SYT9: variants seen among roughly 807,000 people sequenced by gnomAD.
SYT9 encodes the protein synaptotagmin 9, also known as synaptotagmin-9.
A neutral mutation model predicts 48.4 loss-of-function variants in SYT9; 22 were observed. The ratio of observed to expected loss-of-function variants is 0.45; its 90% CI spans 0.32 to 0.65. The LOEUF (loss-of-function observed/expected upper bound fraction) is 0.65, where lower values mean the gene tolerates loss of function less well. Ranked by LOEUF, SYT9 falls within the 30% of genes least tolerant of loss-of-function variation. The pLI is 0.03. For synonymous variants in SYT9, 265 were observed against 245.0 expected (o/e 1.08, Z -0.76); for missense variants, 577 against 622.0 (o/e 0.93, Z 0.77).
chr11:7,261,103 T>C lies in SYT9; in HGVS notation c.145+8772T>C, dbSNP rs569817176. ...GGGTCTGCCAATTAACAGGCATAAT[T>C]TTAAAAAATAATTGAATTGAATGCC... On this transcript the variant is annotated intron_variant, in intron 1 of 6. Transcript: ENST00000318881. 3.9e-5 allele frequency among the ~76,000 whole-genome samples: 6 copies of C among 152,316 alleles called. No homozygotes were observed. The East Asian group carries it at 1.2e-3, about 29-fold the overall frequency.
At position 7,358,867 on chromosome 11, in the gene SYT9, T is replaced by C. The variant is rs1012615869; in HGVS notation, c.1044+44926T>C. On this transcript the variant is annotated intron_variant, in intron 3 of 6. Coordinates refer to ENST00000318881, the MANE Select transcript of SYT9 (RefSeq NM_175733.4). ...AATTTCTTCAGATTTTTTTTTATTA[T>C]ACTTTGAGTTTTAGGGTACATGTGC... 2.0e-5 allele frequency among the ~76,000 whole-genome samples: 3 copies of C among 152,296 alleles called. No individual in the cohort carries two copies. In the East Asian group the frequency reaches 5.8e-4, roughly 29 times the overall value.
intron 3 of SYT9, among the ~76,000 whole-genome samples, chr11:7,412,515 G>T (rs1847156632): frequency 6.6e-6 from 1 of 152,192 alleles, no homozygotes; most frequent in South Asian, 2.1e-4. Flanking sequence ...GGAGGCTGTG[G>T]TAAAGTTTTC....
chr11:7,453,207 A>C (rs114204363), intron 6 of SYT9, among the ~76,000 whole-genome samples: 2,327 of 152,228 alleles, frequency 0.015, 57 homozygotes, highest in African/African-American at 0.053. Context: ...CCTGGGAGAC[A>C]TACTGAGACC....
intron 3 of SYT9, among the ~76,000 whole-genome samples, chr11:7,360,946 T>C (rs563160713): frequency 3.9e-5 from 6 of 152,128 alleles, no homozygotes; most frequent in African/African-American, 1.4e-4. Flanking sequence ...TTTTTTCTAG[T>C]CAATTTTCCA....
intron 1 of SYT9, among the ~76,000 whole-genome samples, chr11:7,285,344 G>C (rs1848577388): frequency 6.6e-6 from 1 of 152,202 alleles, no homozygotes; most frequent in Non-Finnish European, 1.5e-5. Flanking sequence ...GCAAGAAGAA[G>C]TGCAGAGTAA....
intron 6 of SYT9, among the ~76,000 whole-genome samples, chr11:7,459,612 C>G (rs770665256): frequency 3.0e-4 from 46 of 152,184 alleles, no homozygotes; most frequent in Non-Finnish European, 4.7e-4. Flanking sequence ...ATAGTGTCCT[C>G]CCAAAATTTA....
intron 3 of SYT9, among the ~76,000 whole-genome samples, chr11:7,332,188 G>A (rs1849546774): frequency 1.3e-5 from 2 of 152,180 alleles, no homozygotes; most frequent in African/African-American, 2.4e-5. Flanking sequence ...TCCTGAGCCT[G>A]ATGCCACAAG....
chr11:7,249,449 G>A (rs569775617), upstream of SYT9, among the ~76,000 whole-genome samples: 1 of 152,290 alleles, frequency 6.6e-6, no homozygotes, highest in East Asian at 1.9e-4. Context: ...ACATGGAATT[G>A]GAGGGATAGC....
intron 3 of SYT9, among the ~76,000 whole-genome samples, chr11:7,328,172 CT>C (rs1354430120): frequency 3.6e-4 from 55 of 151,500 alleles, no homozygotes; most frequent in African/African-American, 1.3e-3. Flanking sequence ...TTCCTACATC[CT>C]TATATTTTAA....
chr11:7,311,257 G>A (rs563952979), intron 2 of SYT9, among the ~76,000 whole-genome samples: 3 of 152,290 alleles, frequency 2.0e-5, no homozygotes, highest in South Asian at 2.1e-4. Flanking sequence ...AGCCGAGATC[G>A]CGCCATTGCA....
intron 2 of SYT9, among the ~76,000 whole-genome samples, chr11:7,309,884 A>G (rs1849099505): frequency 6.6e-6 from 1 of 152,020 alleles, no homozygotes; most frequent in African/African-American, 2.4e-5. Flanking sequence ...GTAAACTCTA[A>G]CTCTCTTCTG....
intron 2 of SYT9, among the ~76,000 whole-genome samples, chr11:7,304,852 A>G (rs1021975119): frequency 6.6e-6 from 1 of 152,350 alleles, no homozygotes; most frequent in Admixed American, 6.5e-5. Context: ...CAGTATTTCA[A>G]TAGCTAAAGC....
At chr11:7,348,147 G>C (rs1564871457) in intron 3 of SYT9, among the ~76,000 whole-genome samples, 1 of 152,106 alleles carries the variant, frequency 6.6e-6, no homozygotes, top group Non-Finnish European at 1.5e-5. Flanking sequence ...AACAATTATG[G>C]TTTGGCCACA....
chr11:7,280,172 A>G (rs1848468605), intron 1 of SYT9, among the ~76,000 whole-genome samples: 1 of 152,270 alleles, frequency 6.6e-6, no homozygotes. Context: ...GCGGTGCACA[A>G]TTCATAATAA....
At chr11:7,270,268 C>A (rs1848269818) in intron 1 of SYT9, among the ~76,000 whole-genome samples, 1 of 152,072 alleles carries the variant, frequency 6.6e-6, no homozygotes, top group Admixed American at 6.5e-5. Context: ...TATTTTAATT[C>A]TCTCCCCTCA....
chr11:7,366,771 G>C (rs908773352), intron 3 of SYT9, among the ~76,000 whole-genome samples: 1 of 151,992 alleles, frequency 6.6e-6, no homozygotes, highest in Non-Finnish European at 1.5e-5. Context: ...GGGGCCAAAT[G>C]TTATATATAT....
intron 6 of SYT9, among the ~76,000 whole-genome samples, chr11:7,452,591 T>A (rs561197239): frequency 6.6e-6 from 1 of 152,314 alleles, no homozygotes; most frequent in East Asian, 1.9e-4. Flanking sequence ...AACGTCCCCT[T>A]CCCTTCCAGA....
At chr11:7,359,935 G>A (rs982939567) in intron 3 of SYT9, among the ~76,000 whole-genome samples, 5 of 151,970 alleles carry the variant, frequency 3.3e-5, no homozygotes, top group Non-Finnish European at 5.9e-5. Context: ...CCATGCCTAT[G>A]TCCTGAATGG....
Position 7,252,363 on chromosome 11 carries a change from T to C in SYT9, c.145+32T>C. The stretch of plus-strand genomic sequence containing the variant: ...GCCGCCACCGCCGCCTGGAGGGACC[T>C]AAGGGCCCTGGGCTGGGACTTGGGG... On this transcript the variant is annotated intron_variant, in intron 1 of 6. Coordinates refer to ENST00000318881, the MANE Select transcript of SYT9 (RefSeq NM_175733.4). The surrounding 1 kb of genome is among the most constrained non-coding windows in gnomAD (Gnocchi z 6.3). 7.0e-7 allele frequency: 1 copy of C among 1,424,932 alleles called. No individual in the cohort carries two copies. The highest frequency in any genetic ancestry group is 9.2e-7 in the Non-Finnish European group (1 of 1,087,944). 88.3% of individuals were successfully genotyped at this position (1,424,932 alleles called of 1,614,324 possible).
Sources: allele counts gnomAD v4.1 joint callset (sites outside exome capture counted in the v4.1 genomes callset), GRCh38; gene constraint gnomAD v4.1.1; non-coding constraint Gnocchi (gnomAD v3.1); transcripts MANE v1.5; gene names NCBI Gene and HGNC (gene_info 2026-07-23, HGNC 2026-07-21).